Variants in LEO1 observed in about 807,000 individuals in gnomAD.
LEO1 encodes the protein LEO1 component of Paf1/RNA polymerase II complex, also known as RNA polymerase-associated protein LEO1.
LEO1 carries 34 observed loss-of-function variants against 80.4 expected under a neutral mutation model. That is an observed-to-expected ratio of 0.42 (90% CI 0.32 to 0.56). The LOEUF (loss-of-function observed/expected upper bound fraction) is 0.56, where lower values mean the gene tolerates loss of function less well. Among genes scored for constraint, LEO1 ranks in the 20% least tolerant of loss-of-function variants. The probability of loss-of-function intolerance (pLI) is 0.10; values close to 1 mark genes in which losing one functional copy is unlikely to be tolerated. For missense variants in LEO1, 631 were observed against 814.2 expected (o/e 0.77, Z 2.74); for synonymous variants, 262 against 274.9 (o/e 0.95, Z 0.46).
In LEO1 at chr15:51,971,750, G is replaced by C. The variant is rs753758473; in HGVS notation, c.-5C>G. On this transcript the variant is annotated 5_prime_UTR_variant, in exon 1 of 12. Transcript: ENST00000299601. ...GAGATCCTCCATATCCGCCATTATCGCTCACGTCCGCTGCTGCCTCGGTTA... is the reference window on the plus strand; with the variant it reads ...GAGATCCTCCATATCCGCCATTATCCCTCACGTCCGCTGCTGCCTCGGTTA... 6.2e-7 allele frequency: 1 copy of C among 1,613,958 alleles called. No individual in the cohort carries two copies. The highest frequency in any genetic ancestry group is 1.3e-5 in the African/African-American group (1 of 74,928).
intron 3 of LEO1, among the ~76,000 whole-genome samples, chr15:51,961,044 C>CTG (rs1387420811): frequency 3.3e-5 from 5 of 152,176 alleles, no homozygotes; most frequent in African/African-American, 1.2e-4. Flanking sequence ...AAAGTTGGGG[C>CTG]TGAAGCACTC....
intron 1 of LEO1, among the ~76,000 whole-genome samples, chr15:51,971,295 C>A (rs1025185): frequency 0.014 from 2,183 of 152,276 alleles, 83 homozygotes; most frequent in Admixed American, 0.07. Flanking sequence ...ATTCGCCCAC[C>A]CCATCCCATA....
intron 2 of LEO1, among the ~76,000 whole-genome samples, chr15:51,964,162 T>C (rs1467071559): frequency 1.3e-5 from 2 of 150,534 alleles, no homozygotes; most frequent in African/African-American, 2.4e-5. Context: ...GCTGAGATCA[T>C]GCCACTACAC....
At chr15:51,947,017 C>T (rs2056907168) in intron 11 of LEO1, 2 of 398,474 alleles carry the variant, frequency 5.0e-6, no homozygotes, top group South Asian at 2.7e-5. Flanking sequence ...GAGTGACCTA[C>T]CAGAGACAGG....
At chr15:51,951,810 AT>A (rs1310680169) in intron 9 of LEO1, 33 bp downstream of exon 9, 2 of 1,589,126 alleles carry the variant, frequency 1.3e-6, no homozygotes, top group African/African-American at 2.7e-5. Context: ...ATACCAAAGA[AT>A]CCCAGGATAA....
At chr15:51,950,342 T>G (rs2056939281) in intron 9 of LEO1, among the ~76,000 whole-genome samples, 1 of 152,044 alleles carries the variant, frequency 6.6e-6, no homozygotes, top group South Asian at 2.1e-4. Context: ...AAACCTAAAT[T>G]GACTCCCTGG....
intron 6 of LEO1, among the ~76,000 whole-genome samples, chr15:51,957,665 C>T (rs75346298): frequency 1.3e-5 from 2 of 152,134 alleles, no homozygotes; most frequent in Non-Finnish European, 2.9e-5. Context: ...AGAGATGGTA[C>T]TATTAAAAAT....
In LEO1 at chr15:51,959,880, T is replaced by A. The variant is rs769694032; in HGVS notation, c.1160+19A>T. ...ATTTCTACTCAACATCCTGAAAAAA[T>A]TTTAATTGATTTCCTTACCTGGGCT... On this transcript the variant is annotated intron_variant, in intron 5 of 11. Coordinates refer to ENST00000299601, the MANE Select transcript of LEO1 (RefSeq NM_138792.4). The A allele has an allele frequency of 1.6e-5, 25 of 1,550,348 alleles. No homozygotes were observed. In the Admixed American group the frequency reaches 3.6e-4, roughly 22 times the overall value.
intron 1 of LEO1, among the ~76,000 whole-genome samples, chr15:51,968,034 A>G (rs1323534320): frequency 6.6e-6 from 1 of 151,444 alleles, no homozygotes. Context: ...AAATACAAAA[A>G]TTAGCCAGGC....
At chr15:51,959,098 G>A (rs887033281) in intron 5 of LEO1, among the ~76,000 whole-genome samples, 1 of 151,756 alleles carries the variant, frequency 6.6e-6, no homozygotes, top group African/African-American at 2.4e-5. Flanking sequence ...CGCCTCCCAG[G>A]TTCAAGCGAT....
intron 8 of LEO1, 122 bp downstream of exon 8, chr15:51,953,007 G>A (rs577297221): frequency 1.3e-6 from 1 of 783,566 alleles, no homozygotes; most frequent in Admixed American, 2.7e-5. Context: ...CTATGCACAA[G>A]ATCTTGGTTC....
intron 11 of LEO1, among the ~76,000 whole-genome samples, chr15:51,939,281 G>A (rs992475762): frequency 6.6e-6 from 1 of 152,206 alleles, no homozygotes; most frequent in Non-Finnish European, 1.5e-5. Flanking sequence ...TCTTGCTGCT[G>A]TGACCACAGG....
intron 11 of LEO1, among the ~76,000 whole-genome samples, chr15:51,941,181 G>A (rs2056849419): frequency 6.6e-6 from 1 of 152,184 alleles, no homozygotes; most frequent in African/African-American, 2.4e-5. Flanking sequence ...AGAAAGGTGA[G>A]AGAATCCTTC....
intron 1 of LEO1, among the ~76,000 whole-genome samples, chr15:51,969,023 C>G (rs1287939199): frequency 6.6e-6 from 1 of 152,088 alleles, no homozygotes; most frequent in Non-Finnish European, 1.5e-5. Context: ...GGCTGGAGTA[C>G]AGTGGTGCAA....
Position 51,959,950 on chromosome 15 carries a change from C to T in LEO1, c.1109G>A (p.Gly370Glu). The part of the protein sequence containing the change: ...VEIPKVNTDL[G>E]NDLYFVKLPN... ...CAGTTTAACAAAATATAAGTCGTTT[C>T]CTAAATCAGTGTTTACTTTGGGTAT... The change falls in exon 5 of 12, where the codon GGA (glycine) becomes GAA (glutamate). Residue 370 changes from glycine (G) to glutamate (E), a missense_variant. Physicochemically the swap from Gly to Glu is moderately conservative, Grantham distance 98. This residue lies in a region of LEO1 where 95 missense variants were observed against 171.7 expected (regional missense o/e 0.55). Transcript: ENST00000299601. The T allele has an allele frequency of 5.0e-6, 8 of 1,612,736 alleles. No individual in the cohort carries two copies. Among genetic ancestry groups the T allele is most frequent in the East Asian group, 2.2e-5 (1 of 44,790 alleles).
intron 1 of LEO1, among the ~76,000 whole-genome samples, chr15:51,968,809 A>G (rs1011436297): frequency 6.6e-6 from 1 of 152,016 alleles, no homozygotes; most frequent in Admixed American, 6.6e-5. Flanking sequence ...AGCCTGGGCG[A>G]CAGAGCAAGA....
rs765851124 is a variant in LEO1 at position 51,971,729 on chromosome 15, T to G, written c.17A>C (p.Asp6Ala). ...GCTGTCGGCGTCGCTCCCGAAGAGA[T>G]CCTCCATATCCGCCATTATCGCTCA... MADME[D>A]LFGSDADSEA... is the part of the protein sequence containing the mutation. Residue 6 changes from aspartate (D) to alanine (A), a missense_variant, in exon 1 of 12, where the codon GAT becomes GCT. Physicochemically the swap from Asp to Ala is moderately radical, Grantham distance 126. Transcript: ENST00000299601. 7 of 1,614,004 alleles carry G rather than the reference T, an allele frequency of 4.3e-6. No individual in the cohort carries two copies. Among genetic ancestry groups the G allele is most frequent in the South Asian group, 1.1e-5 (1 of 91,080 alleles).
At chr15:51,940,122 G>T (rs984525988) in intron 11 of LEO1, among the ~76,000 whole-genome samples, 9 of 151,914 alleles carry the variant, frequency 5.9e-5, no homozygotes, top group African/African-American at 2.2e-4. Context: ...AGGCGTGGTG[G>T]CGCATGCCTG....
chr15:51,964,280 C>A (rs545525573), intron 2 of LEO1, among the ~76,000 whole-genome samples: 23 of 152,030 alleles, frequency 1.5e-4, no homozygotes, highest in African/African-American at 5.5e-4. Flanking sequence ...AACCATCATT[C>A]TCAGCAAACT....
Sources: gnomAD v4.1 joint callset for allele counts (sites outside exome capture counted in the v4.1 genomes callset) on GRCh38, gnomAD v4.1.1 for gene constraint, gnomAD v4.1.1 regional missense constraint, MANE v1.5 for transcripts, NCBI Gene and HGNC (gene_info 2026-07-23, HGNC 2026-07-21) for gene names.